The following SYNPR variants were observed in gnomAD, a reference collection of about 807,000 sequenced individuals.
SYNPR encodes synaptoporin.
A neutral mutation model predicts 32.9 loss-of-function variants in SYNPR; 23 were observed. The observed-to-expected ratio is 0.70, with a 90% CI of 0.50 to 0.99. The LOEUF (loss-of-function observed/expected upper bound fraction) is 0.99, where lower values mean the gene tolerates loss of function less well. Ranked by LOEUF, SYNPR falls within the 50% of genes least tolerant of loss-of-function variation. The pLI, the probability that SYNPR is intolerant of heterozygous loss-of-function variation, is 0.00. For synonymous variants in SYNPR, 146 were observed against 135.9 expected (o/e 1.07, Z -0.52); for missense variants, 318 against 349.3 (o/e 0.91, Z 0.71).
At chr3:63,478,109 G>C (rs1328545904) in intron 2 of SYNPR, among the ~76,000 whole-genome samples, 2 of 152,200 alleles carry the variant, frequency 1.3e-5, no homozygotes, top group Non-Finnish European at 2.9e-5. Context: ...CAGAGGTCAA[G>C]AGAAGTAAAA....
intron 3 of SYNPR, among the ~76,000 whole-genome samples, chr3:63,497,291 G>C (rs188684220): frequency 2.0e-5 from 3 of 152,280 alleles, no homozygotes; most frequent in Admixed American, 6.5e-5. Context: ...TGTTGGCATT[G>C]AGAAGAGTTT....
chr3:63,305,451 G>A (rs1017083758), intron 2 of SYNPR, among the ~76,000 whole-genome samples: 2 of 151,992 alleles, frequency 1.3e-5, no homozygotes, highest in African/African-American at 4.8e-5. Flanking sequence ...TTTATTCCTT[G>A]TACTCCAAAC....
At chr3:63,594,026 A>C (rs1458835679) in intron 4 of SYNPR, among the ~76,000 whole-genome samples, 1 of 152,206 alleles carries the variant, frequency 6.6e-6, no homozygotes, top group Non-Finnish European at 1.5e-5. Context: ...GGAGTCAAAC[A>C]GACCTGAGTT....
chr3:63,354,728 T>G (rs556537884), intron 2 of SYNPR, among the ~76,000 whole-genome samples: 1 of 152,316 alleles, frequency 6.6e-6, no homozygotes, highest in South Asian at 2.1e-4. Context: ...ACTCTTGCTT[T>G]TCATCATTAT....
chr3:63,414,592 C>T (rs1234563537), intron 2 of SYNPR, among the ~76,000 whole-genome samples: 1 of 152,176 alleles, frequency 6.6e-6, no homozygotes, highest in African/African-American at 2.4e-5. Context: ...AAACAACCTT[C>T]ACTAACAAAA....
intron 3 of SYNPR, among the ~76,000 whole-genome samples, chr3:63,534,919 C>A (rs1272892485): frequency 1.3e-5 from 2 of 152,094 alleles, no homozygotes; most frequent in African/African-American, 2.4e-5. Flanking sequence ...ACCCCCATAA[C>A]CCCAGCACCT....
chr3:63,223,421 C>G (rs1444912944), upstream of SYNPR, among the ~76,000 whole-genome samples: 1 of 151,722 alleles, frequency 6.6e-6, no homozygotes, highest in African/African-American at 2.4e-5. Context: ...CTCTTGAATG[C>G]TTTCCCACGT....
At chr3:63,366,364 A>G (rs1401810023) in intron 2 of SYNPR, among the ~76,000 whole-genome samples, 3 of 152,196 alleles carry the variant, frequency 2.0e-5, no homozygotes, top group South Asian at 2.1e-4. Flanking sequence ...TACAATAATA[A>G]GACTAGAATT....
chr3:63,379,057 C>T (rs1346387371), intron 2 of SYNPR, among the ~76,000 whole-genome samples: 1 of 152,064 alleles, frequency 6.6e-6, no homozygotes, highest in African/African-American at 2.4e-5. Flanking sequence ...TTTTGAAAAT[C>T]ATAAATGTAG....
chr3:63,379,205 T>C (rs1411943906), intron 2 of SYNPR, among the ~76,000 whole-genome samples: 1 of 152,144 alleles, frequency 6.6e-6, no homozygotes, highest in Non-Finnish European at 1.5e-5. Context: ...TTTTGTTTTA[T>C]GGCCTTGGAT....
rs534826644 is a variant in SYNPR, at chr3:63,260,246, C to A, written n.155-7071C>A. 8.5e-5 allele frequency among the ~76,000 whole-genome samples: 13 copies of A among 152,174 alleles called. No individual in the cohort carries two copies. The East Asian group carries it at 1.5e-3, about 18-fold the overall frequency. On this transcript the variant is annotated intron_variant and non_coding_transcript_variant, in intron 2 of 4. Coordinates refer to the SYNPR transcript ENST00000478456. ...TTTGAAGTTCATATGGAACCAAAAA[C>A]GAGCCCGCATCGCCAAGTCAATCCT...
chr3:63,508,244 A>T (rs954503072), intron 3 of SYNPR, among the ~76,000 whole-genome samples: 1 of 152,050 alleles, frequency 6.6e-6, no homozygotes, highest in African/African-American at 2.4e-5. Flanking sequence ...TCCTTCCTTC[A>T]TTCATTCACC....
chr3:63,273,703 A>C (rs796705090), upstream of SYNPR, among the ~76,000 whole-genome samples: 4 of 152,196 alleles, frequency 2.6e-5, no homozygotes, highest in South Asian at 8.3e-4. Context: ...TATCAGTTGT[A>C]TTTGTTAATT....
At chr3:63,245,727 GTGTGTGTGTGTGTA>G (rs1347232442) in intron 1 of SYNPR, among the ~76,000 whole-genome samples, 2,637 of 92,366 alleles carry the variant, frequency 0.029, 28 homozygotes, top group African/African-American at 0.041. Context: ...GTGTGTGTGT[GTGTGTGTGTGTGTA>G]TGTGTGTGTG....
intron 3 of SYNPR, among the ~76,000 whole-genome samples, chr3:63,548,098 C>G (rs1315921329): frequency 6.6e-6 from 1 of 152,184 alleles, no homozygotes; most frequent in Non-Finnish European, 1.5e-5. Context: ...AATCTGCACT[C>G]TCATTCCCCA....
At chr3:63,254,812 C>T (rs1411338398) in intron 2 of SYNPR, among the ~76,000 whole-genome samples, 2 of 152,096 alleles carry the variant, frequency 1.3e-5, no homozygotes, top group Non-Finnish European at 2.9e-5. Flanking sequence ...GTATAATTTA[C>T]ATATAATTAA....
At chr3:63,592,687 G>A (rs548805401) in intron 4 of SYNPR, among the ~76,000 whole-genome samples, 2 of 151,942 alleles carry the variant, frequency 1.3e-5, no homozygotes, top group African/African-American at 4.8e-5. Context: ...AAATAAATAC[G>A]ACACAAATTA....
At chr3:63,236,474 G>A (rs1054646593) in intron 1 of SYNPR, among the ~76,000 whole-genome samples, 5 of 151,996 alleles carry the variant, frequency 3.3e-5, no homozygotes, top group Admixed American at 6.6e-5. Context: ...GAGAATTGAT[G>A]TATTTATTAT....
chr3:63,429,096 A>G (rs1336851850), intron 2 of SYNPR, among the ~76,000 whole-genome samples: 1 of 152,066 alleles, frequency 6.6e-6, no homozygotes, highest in Non-Finnish European at 1.5e-5. Flanking sequence ...GCTGTGAAAG[A>G]TTTTTCTTTT....
Sources: allele counts gnomAD v4.1 joint callset (sites outside exome capture counted in the v4.1 genomes callset), GRCh38; gene constraint gnomAD v4.1.1; transcripts MANE v1.5; gene names NCBI Gene and HGNC (gene_info 2026-07-23, HGNC 2026-07-21).